The following CELF4 variants were observed in gnomAD, a reference collection of about 807,000 sequenced individuals.
The protein encoded by CELF4 is CUG-BP- and ETR-3-like factor 4.
CELF4 carries 18 observed loss-of-function variants against 59.9 expected under a neutral mutation model. The observed-to-expected ratio is 0.30, with a 90% CI of 0.21 to 0.45. The LOEUF is 0.45. Ranked by LOEUF, CELF4 falls within the 20% of genes least tolerant of loss-of-function variation. CELF4 has a pLI of 1.00. For synonymous variants in CELF4, 261 were observed against 267.1 expected, an observed-to-expected ratio of 0.98 and a Z score of 0.22; for missense variants, 456 against 689.0, an observed-to-expected ratio of 0.66 and a Z score of 3.79.
At chr18:37,560,714 C>A (rs2099986276) in intron 1 of CELF4, among the ~76,000 whole-genome samples, 1 of 152,168 alleles carries the variant, frequency 6.6e-6, no homozygotes, top group Non-Finnish European at 1.5e-5. Context: ...CATGCTAATA[C>A]TTCAGCTGCA....
rs1197202852 is a variant in CELF4 at position 37,337,940 on chromosome 18, C to T, written c.370-16059G>A. 2.0e-5 allele frequency among the ~76,000 whole-genome samples: 3 copies of T among 152,228 alleles called. No homozygotes were observed. The East Asian group carries it at 5.8e-4, about 29-fold the overall frequency. On this transcript the variant is annotated intron_variant, in intron 2 of 12. Transcript: ENST00000420428. Reference sequence around the variant, plus strand: ...CCTGACCCCCGCCCCATGTTTGCAACAAACATCTGGAAAATCACCACTGTC... The same window carrying T: ...CCTGACCCCCGCCCCATGTTTGCAATAAACATCTGGAAAATCACCACTGTC...
intron 2 of CELF4, among the ~76,000 whole-genome samples, chr18:37,449,054 G>GA (rs1241671596): frequency 6.6e-6 from 1 of 152,220 alleles, no homozygotes; most frequent in Non-Finnish European, 1.5e-5. Flanking sequence ...CAATGCCAGG[G>GA]AGATGAAATG....
intron 1 of CELF4, among the ~76,000 whole-genome samples, chr18:37,560,526 C>A (rs1001815954): frequency 6.6e-6 from 1 of 152,018 alleles, no homozygotes; most frequent in Non-Finnish European, 1.5e-5. Flanking sequence ...TTAAAAAATG[C>A]TTTTCTTGTT....
At chr18:37,423,925 T>C (rs756548388) in intron 2 of CELF4, among the ~76,000 whole-genome samples, 1 of 152,046 alleles carries the variant, frequency 6.6e-6, no homozygotes, top group Non-Finnish European at 1.5e-5. Context: ...CCATGCCATC[T>C]CTTCCTCATC....
chr18:37,269,327 G>C (rs1003608246), intron 8 of CELF4, among the ~76,000 whole-genome samples: 1 of 152,166 alleles, frequency 6.6e-6, no homozygotes, highest in South Asian at 2.1e-4. Flanking sequence ...ATGGGATTAA[G>C]GAAAACTCCA....
At chr18:37,278,873 TCCCA>T (rs1299548050) in intron 3 of CELF4, among the ~76,000 whole-genome samples, 2 of 152,156 alleles carry the variant, frequency 1.3e-5, no homozygotes, top group African/African-American at 4.8e-5. Flanking sequence ...TCTCCCTGTC[TCCCA>T]CCCACTCTGC....
intron 2 of CELF4, among the ~76,000 whole-genome samples, chr18:37,333,757 C>T (rs1603558851): frequency 6.8e-6 from 1 of 146,730 alleles, no homozygotes; most frequent in Non-Finnish European, 1.5e-5. Context: ...TCCATCCATC[C>T]GTGCATCCAT....
chr18:37,381,626 C>T (rs1053851787), intron 2 of CELF4, among the ~76,000 whole-genome samples: 1 of 152,130 alleles, frequency 6.6e-6, no homozygotes, highest in African/African-American at 2.4e-5. Context: ...TCTATTTGTC[C>T]TCATCTTTCC....
chr18:37,465,487 T>C (rs2099805491), intron 2 of CELF4, among the ~76,000 whole-genome samples: 1 of 152,046 alleles, frequency 6.6e-6, no homozygotes, highest in Admixed American at 6.5e-5. Context: ...GGGCTCTGTG[T>C]ACCAGCACCT....
At chr18:37,523,069 G>A (rs567788315) in intron 1 of CELF4, among the ~76,000 whole-genome samples, 2 of 152,178 alleles carry the variant, frequency 1.3e-5, no homozygotes, top group African/African-American at 4.8e-5. Context: ...AGGGGGGCGG[G>A]TAGGCATGGC....
intron 2 of CELF4, among the ~76,000 whole-genome samples, chr18:37,336,324 T>C (rs775931981): frequency 6.6e-5 from 10 of 152,176 alleles, no homozygotes; most frequent in African/African-American, 9.7e-5. Context: ...GCTGGGGCTA[T>C]AGGCATGTAC....
intron 2 of CELF4, among the ~76,000 whole-genome samples, chr18:37,472,536 G>A (rs1199597950): frequency 6.6e-6 from 1 of 152,266 alleles, no homozygotes; most frequent in Non-Finnish European, 1.5e-5. Context: ...GCAGCAGGGT[G>A]TTTGGAGCTT....
At chr18:37,538,522 C>A (rs1164949406) in intron 1 of CELF4, among the ~76,000 whole-genome samples, 2 of 152,182 alleles carry the variant, frequency 1.3e-5, no homozygotes, top group Non-Finnish European at 2.9e-5. Context: ...CCCAAGCACC[C>A]ACAACGCTGT....
chr18:37,257,557 G>A (rs1429250179), intron 11 of CELF4, among the ~76,000 whole-genome samples: 1 of 152,140 alleles, frequency 6.6e-6, no homozygotes, highest in Non-Finnish European at 1.5e-5. Context: ...TGACTACTTT[G>A]GGGAACATGC....
chr18:37,440,024 G>T (rs955202376), intron 2 of CELF4, among the ~76,000 whole-genome samples: 12 of 152,172 alleles, frequency 7.9e-5, no homozygotes, highest in Non-Finnish European at 7.3e-5. Flanking sequence ...GGTGCTGATG[G>T]CTCCTGCTTC....
chr18:37,363,415 G>GACT (rs1461475447), intron 2 of CELF4, among the ~76,000 whole-genome samples: 1 of 152,160 alleles, frequency 6.6e-6, no homozygotes, highest in Non-Finnish European at 1.5e-5. Flanking sequence ...TCACGTGAGA[G>GACT]ACTTCTCAGG....
At chr18:37,467,338 C>T (rs1490542684) in intron 2 of CELF4, among the ~76,000 whole-genome samples, 1 of 152,142 alleles carries the variant, frequency 6.6e-6, no homozygotes, top group African/African-American at 2.4e-5. Flanking sequence ...GGGCAAGAGG[C>T]CATTTCTGGG....
At chr18:37,312,115 A>G (rs2096683918) in intron 3 of CELF4, among the ~76,000 whole-genome samples, 1 of 116,152 alleles carries the variant, frequency 8.6e-6, no homozygotes, top group Admixed American at 9.6e-5. Flanking sequence ...CGTCTCAAAA[A>G]AAAAAAAAAA....
chr18:37,383,561 T>G (rs546688412), intron 2 of CELF4, among the ~76,000 whole-genome samples: 1 of 152,260 alleles, frequency 6.6e-6, no homozygotes, highest in Non-Finnish European at 1.5e-5. Flanking sequence ...AGATGGTTCA[T>G]GTATAATACA....
Sources: allele counts gnomAD v4.1 joint callset (sites outside exome capture counted in the v4.1 genomes callset), GRCh38; gene constraint gnomAD v4.1.1; transcripts MANE v1.5; gene names NCBI Gene and HGNC (gene_info 2026-07-23, HGNC 2026-07-21).